Variants in ANKIB1 observed in about 807,000 individuals in gnomAD.
ANKIB1 encodes ankyrin repeat and IBR domain-containing protein 1.
A neutral mutation model predicts 122.1 loss-of-function variants in ANKIB1; 43 were observed. The ratio of observed to expected loss-of-function variants is 0.35; its 90% CI spans 0.28 to 0.45. The LOEUF (loss-of-function observed/expected upper bound fraction) is 0.45, where lower values mean the gene tolerates loss of function less well. Among genes scored for constraint, ANKIB1 ranks in the 20% least tolerant of loss-of-function variants. The pLI is 1.00. For missense variants in ANKIB1, 992 were observed against 1,329.5 expected (o/e 0.75, Z 3.95); for synonymous variants, 390 against 442.0 (o/e 0.88, Z 1.48).
chr7:92,289,607 A>T (rs1270532498), intron 1 of ANKIB1, among the ~76,000 whole-genome samples: 1 of 152,106 alleles, frequency 6.6e-6, no homozygotes, highest in Non-Finnish European at 1.5e-5. Context: ...AAGCTTTTAA[A>T]TTTCCCACTC....
intron 17 of ANKIB1, among the ~76,000 whole-genome samples, chr7:92,395,031 T>G (rs1804855613): frequency 6.6e-6 from 1 of 152,202 alleles, no homozygotes; most frequent in Admixed American, 6.5e-5. Context: ...AAGTTGAATA[T>G]CTTAGTGTTT....
At chr7:92,269,374 A>G (rs1801737146) in intron 1 of ANKIB1, among the ~76,000 whole-genome samples, 1 of 152,236 alleles carries the variant, frequency 6.6e-6, no homozygotes, top group Non-Finnish European at 1.5e-5. Context: ...ACCCAATAGA[A>G]AAATAAATGT....
At chr7:92,338,227 T>G (rs1413631813) in intron 5 of ANKIB1, among the ~76,000 whole-genome samples, 2 of 150,748 alleles carry the variant, frequency 1.3e-5, no homozygotes, top group Admixed American at 1.3e-4. Flanking sequence ...TTGGGCAACA[T>G]AGTGAGACCT....
chr7:92,387,309 A>G (rs1021433928), intron 12 of ANKIB1, among the ~76,000 whole-genome samples: 1 of 152,144 alleles, frequency 6.6e-6, no homozygotes, highest in Non-Finnish European at 1.5e-5. Flanking sequence ...GGGGAATACC[A>G]TTAGTCCATA....
In ANKIB1 at chr7:92,391,236, A is replaced by C; in HGVS notation, c.2123A>C (p.His708Pro). 2.5e-6 allele frequency: 4 copies of C among 1,613,412 alleles called. No homozygotes were observed. Among genetic ancestry groups the C allele is most frequent in the Non-Finnish European group, 3.4e-6 (4 of 1,179,638 alleles). Residue 708 changes from histidine to proline, a missense_variant, in exon 16 of 20, where the codon CAC becomes CCC. Around this residue, in one of 4 missense-constraint regions of ANKIB1, gnomAD observed 521 missense variants for 777.7 expected, o/e 0.67. Coordinates refer to ENST00000265742, the MANE Select transcript of ANKIB1 (RefSeq NM_019004.2). ...VNRPYLRTPR[H>P]KIIKAACLVQ... ...AGGCCTTACCTTCGCACACCCCGCC[A>C]CAAGATCATCAAAGCAGCATGCCTT...
intron 3 of ANKIB1, among the ~76,000 whole-genome samples, chr7:92,314,745 C>G (rs1802758277): frequency 6.6e-6 from 1 of 152,170 alleles, no homozygotes. Flanking sequence ...AACAGTAGTT[C>G]TAAGCATGGC....
At chr7:92,389,072 GT>G (rs1170116221) in intron 14 of ANKIB1, among the ~76,000 whole-genome samples, 1 of 152,088 alleles carries the variant, frequency 6.6e-6, no homozygotes, top group Non-Finnish European at 1.5e-5. Context: ...TTCAATATTT[GT>G]AGATGTGAAT....
rs1178693408 is a variant in ANKIB1 at position 92,400,101 on chromosome 7, A to G, written c.*1152A>G. On this transcript the variant is annotated 3_prime_UTR_variant, in exon 20 of 20. Coordinates refer to ENST00000265742, the MANE Select transcript of ANKIB1 (RefSeq NM_019004.2). ...ATGTCTCTTCTGAAGTAACTATGCT[A>G]TGAATTGCAAAGACCTCCATAAAAC... 2 of 152,240 alleles carry G rather than the reference A, an allele frequency of 1.3e-5. No individual in the cohort carries two copies. The highest frequency in any genetic ancestry group is 2.9e-5 in the Non-Finnish European group (2 of 68,030). 9.4% of individuals were successfully genotyped at this position (152,240 alleles called of 1,614,324 possible). A position where few individuals can be genotyped will look rare whatever the true frequency, so the allele number is the denominator to read the frequency against.
chr7:92,396,573 T>C, intron 18 of ANKIB1, 97 bp downstream of exon 18: 2 of 652,476 alleles, frequency 3.1e-6, no homozygotes, highest in Non-Finnish European at 5.5e-6. Context: ...GTTTGTCATT[T>C]AGATATACAA....
chr7:92,387,206 C>T (rs1231440040), intron 12 of ANKIB1, among the ~76,000 whole-genome samples: 1 of 152,116 alleles, frequency 6.6e-6, no homozygotes, highest in Non-Finnish European at 1.5e-5. Flanking sequence ...GGGCCCCACC[C>T]TGATGACCTT....
At chr7:92,313,290 C>T (rs1239673352) in intron 3 of ANKIB1, among the ~76,000 whole-genome samples, 1 of 152,126 alleles carries the variant, frequency 6.6e-6, no homozygotes, top group East Asian at 1.9e-4. Context: ...CTATTTGACA[C>T]TTTGGCAGCT....
At chr7:92,274,812 A>G (rs1400409427) in intron 1 of ANKIB1, among the ~76,000 whole-genome samples, 2 of 152,118 alleles carry the variant, frequency 1.3e-5, no homozygotes, top group Non-Finnish European at 2.9e-5. Context: ...TTTTTTAATT[A>G]TCTACATGGG....
At chr7:92,387,098 C>CA (rs1173265268) in intron 12 of ANKIB1, among the ~76,000 whole-genome samples, 5 of 152,074 alleles carry the variant, frequency 3.3e-5, no homozygotes, top group Non-Finnish European at 7.4e-5. Flanking sequence ...GGTTTGCAGA[C>CA]AGCCACCCTC....
intron 4 of ANKIB1, chr7:92,325,818 TC>T: frequency 3.3e-6 from 1 of 298,868 alleles, no homozygotes; most frequent in East Asian, 7.9e-5. Context: ...ATAGGCTGTT[TC>T]ACAATCTTTC....
chr7:92,337,200 A>G (rs749016100), intron 5 of ANKIB1, among the ~76,000 whole-genome samples: 23 of 152,288 alleles, frequency 1.5e-4, no homozygotes, highest in Non-Finnish European at 2.9e-4. Context: ...GAGAATTCCA[A>G]ATGGAGAAGT....
intron 1 of ANKIB1, among the ~76,000 whole-genome samples, chr7:92,284,393 A>G (rs1802073852): frequency 6.6e-6 from 1 of 152,196 alleles, no homozygotes; most frequent in South Asian, 2.1e-4. Flanking sequence ...CAGTTGGTCA[A>G]TCAGATTCAG....
At chr7:92,333,221 T>C (rs1229742202) in intron 5 of ANKIB1, among the ~76,000 whole-genome samples, 1 of 152,228 alleles carries the variant, frequency 6.6e-6, no homozygotes, top group Non-Finnish European at 1.5e-5. Context: ...CGATTTTTCA[T>C]TGACTGCCTA....
At chr7:92,318,634 G>A (rs1401498190) in intron 3 of ANKIB1, among the ~76,000 whole-genome samples, 4 of 152,160 alleles carry the variant, frequency 2.6e-5, no homozygotes, top group African/African-American at 9.7e-5. Flanking sequence ...TGAACCTACA[G>A]TCCTTAATAA....
At chr7:92,309,962 T>TATATATATATATATAA (rs1030276754) in intron 3 of ANKIB1, among the ~76,000 whole-genome samples, 29 of 139,374 alleles carry the variant, frequency 2.1e-4, no homozygotes, top group African/African-American at 7.7e-4. Context: ...TATATATATA[T>TATATATATATATATAA]AAATTAAATG....
Sources: allele counts gnomAD v4.1 joint callset (sites outside exome capture counted in the v4.1 genomes callset), GRCh38; gene constraint gnomAD v4.1.1; regional missense constraint gnomAD v4.1.1; transcripts MANE v1.5; gene names NCBI Gene and HGNC (gene_info 2026-07-23, HGNC 2026-07-21).